The following BBS7 variants were observed in gnomAD, a reference collection of about 807,000 sequenced individuals.
BBS7 encodes the protein Bardet-Biedl syndrome 7.
BBS7 carries 50 observed loss-of-function variants against 90.3 expected under a neutral mutation model. The observed-to-expected ratio is 0.55, with a 90% confidence interval of 0.44 to 0.70. The LOEUF is 0.70. Ranked by LOEUF, BBS7 falls within the 30% of genes least tolerant of loss-of-function variation. The pLI is 0.00. For synonymous variants in BBS7, 235 were observed against 287.4 expected (o/e 0.82, Z 1.85); for missense variants, 729 against 838.9 (o/e 0.87, Z 1.62).
At chr4:121,844,776 G>C (rs1167519403) in intron 11 of BBS7, among the ~76,000 whole-genome samples, 1 of 151,916 alleles carries the variant, frequency 6.6e-6, no homozygotes, top group Non-Finnish European at 1.5e-5. Flanking sequence ...TACTTTGCCT[G>C]TTGACCTACC....
chr4:121,826,132 T>C, intron 18 of BBS7, 139 bp from the exon 19 acceptor site: 1 of 724,140 alleles, frequency 1.4e-6, no homozygotes, highest in Non-Finnish European at 2.2e-6. Flanking sequence ...CTAAAAGCCA[T>C]GTTTTTAAAA....
chr4:121,829,712 A>G (rs972676370), intron 15 of BBS7, among the ~76,000 whole-genome samples: 2 of 152,202 alleles, frequency 1.3e-5, no homozygotes, highest in East Asian at 3.8e-4. Flanking sequence ...CTTAACAATG[A>G]TACTCAATCC....
At chr4:121,832,999 A>C (rs543224966) in intron 15 of BBS7, among the ~76,000 whole-genome samples, 1 of 152,160 alleles carries the variant, frequency 6.6e-6, no homozygotes, top group South Asian at 2.1e-4. Flanking sequence ...TTATTTTCTC[A>C]CTAGTTATTG....
chr4:121,835,430 T>C (rs1725405228), intron 13 of BBS7, 147 bp from the exon 14 acceptor site: 4 of 897,278 alleles, frequency 4.5e-6, no homozygotes, highest in Admixed American at 2.2e-5. Flanking sequence ...GTCCAGCTTC[T>C]TTCTCCTGTC....
intron 5 of BBS7, among the ~76,000 whole-genome samples, chr4:121,856,722 A>G (rs1256861569): frequency 6.6e-6 from 1 of 152,102 alleles, no homozygotes; most frequent in African/African-American, 2.4e-5. Context: ...AAAAAAAAGA[A>G]AACACAATTT....
At chr4:121,869,450 T>G (rs1184801191) in intron 1 of BBS7, among the ~76,000 whole-genome samples, 1 of 152,222 alleles carries the variant, frequency 6.6e-6, no homozygotes, top group Non-Finnish European at 1.5e-5. Flanking sequence ...TATAATATTG[T>G]CTACTTTGCA....
In BBS7 at chr4:121,854,799, A is replaced by C. The variant is rs780552411; in HGVS notation, c.623T>G (p.Leu208Trp). The C allele has an allele frequency of 1.2e-6, 2 of 1,612,284 alleles. No individual in the cohort carries two copies. The highest frequency in any genetic ancestry group is 1.7e-5 in the Admixed American group (1 of 60,012). ...AAGTTTTCCGTCTGATGTCCCAAAC[A>C]AAAGGTCTTCTCCAGAGTCACCTAC... Reference protein sequence around the residue: ...GNGGDSGEDLLFGTSDGKLAL... With the variant: ...GNGGDSGEDLWFGTSDGKLAL... Residue 208 changes from leucine to tryptophan, a missense_variant, in exon 7 of 19, where the codon TTG (leucine) becomes TGG (tryptophan). By Grantham distance (61) the Leu-to-Trp change is moderately conservative (BLOSUM62 -2). Coordinates refer to ENST00000264499, the MANE Select transcript of BBS7 (RefSeq NM_176824.3).
At chr4:121,826,022 C>A in intron 18 of BBS7, 29 bp from the exon 19 acceptor site, 2 of 1,546,716 alleles carry the variant, frequency 1.3e-6, no homozygotes, top group South Asian at 2.2e-5. Flanking sequence ...AATTTCCTGT[C>A]AGTGATTAGT....
intron 3 of BBS7, among the ~76,000 whole-genome samples, chr4:121,862,145 T>C (rs1014321263): frequency 6.6e-6 from 1 of 152,200 alleles, no homozygotes; most frequent in African/African-American, 2.4e-5. Context: ...ACTTCAATCA[T>C]CTTTTAAAAC....
rs753180304 is a variant in BBS7, at chr4:121,859,034, T to C, written c.486A>G (p.Thr162=). 7 of 1,613,896 alleles carry C rather than the reference T, an allele frequency of 4.3e-6. No homozygotes were observed. In the South Asian group the frequency reaches 7.7e-5, roughly 18 times the overall value. Residue 162 remains threonine, a synonymous_variant, in exon 5 of 19, where the codon ACA becomes ACG. Coordinates refer to ENST00000264499, the MANE Select transcript of BBS7 (RefSeq NM_176824.3). ...CTCTGTCCTGGCAGGCCAATACAGG[T>C]GTGATACGAGATAATCTTTCCACTG... ...CLPVERLSRI[T]PVLACQDRVL...
chr4:121,864,464 T>C (rs1727153634), intron 2 of BBS7, among the ~76,000 whole-genome samples: 1 of 152,204 alleles, frequency 6.6e-6, no homozygotes, highest in South Asian at 2.1e-4. Context: ...AAGTATAACA[T>C]AATGACACTA....
intron 15 of BBS7, among the ~76,000 whole-genome samples, chr4:121,831,954 G>A (rs1002226171): frequency 1.3e-5 from 2 of 151,458 alleles, no homozygotes; most frequent in African/African-American, 2.4e-5. Context: ...GGCAGAGGCA[G>A]AGAAAGAATA....
intron 15 of BBS7, among the ~76,000 whole-genome samples, chr4:121,832,009 A>ACAC (rs1725207388): frequency 1.2e-4 from 17 of 142,872 alleles, no homozygotes; most frequent in African/African-American, 3.5e-4. Context: ...AAAAAACAAA[A>ACAC]ACACACACAC....
At chr4:121,840,145 T>C (rs1725662905) in intron 12 of BBS7, among the ~76,000 whole-genome samples, 1 of 152,174 alleles carries the variant, frequency 6.6e-6, no homozygotes, top group Non-Finnish European at 1.5e-5. Context: ...GGGAGATAAT[T>C]GAATCATGGG....
chr4:121,825,811 T>C lies in BBS7; in HGVS notation c.*49A>G. 1 of 1,586,496 alleles carries C rather than the reference T, an allele frequency of 6.3e-7. No homozygotes were observed. The highest frequency in any genetic ancestry group is 8.6e-7 in the Non-Finnish European group (1 of 1,160,138). ...GTTAACTTCTAATTCTCTTTTAACA[T>C]TTTTCATTTAAACAGACCACTTCTT... On this transcript the variant is annotated 3_prime_UTR_variant, in exon 19 of 19. Coordinates refer to ENST00000264499, the MANE Select transcript of BBS7 (RefSeq NM_176824.3).
chr4:121,845,733 T>C, intron 10 of BBS7, 37 bp from the exon 11 acceptor site: 1 of 1,559,046 alleles, frequency 6.4e-7, no homozygotes, highest in Non-Finnish European at 8.8e-7. Context: ...CAAATATAAG[T>C]ATAAACATTT....
intron 12 of BBS7, among the ~76,000 whole-genome samples, chr4:121,841,261 A>C (rs1725724844): frequency 6.6e-6 from 1 of 152,124 alleles, no homozygotes; most frequent in Non-Finnish European, 1.5e-5. Flanking sequence ...GAAGAGCATG[A>C]AAAAATGACT....
At chr4:121,849,120 T>C (rs1726171892) in intron 8 of BBS7, among the ~76,000 whole-genome samples, 192 bp from the exon 9 acceptor site, 1 of 152,238 alleles carries the variant, frequency 6.6e-6, no homozygotes, top group Non-Finnish European at 1.5e-5. Flanking sequence ...TTTTTAAATT[T>C]GGGAAAGAAG....
intron 8 of BBS7, among the ~76,000 whole-genome samples, chr4:121,850,550 C>T (rs1382007704): frequency 6.6e-6 from 1 of 152,176 alleles, no homozygotes; most frequent in African/African-American, 2.4e-5. Flanking sequence ...ATATTACAAT[C>T]TGGTATACAT....
Sources: allele counts gnomAD v4.1 joint callset (sites outside exome capture counted in the v4.1 genomes callset), GRCh38; gene constraint gnomAD v4.1.1; transcripts MANE v1.5; gene names NCBI Gene and HGNC (gene_info 2026-07-23, HGNC 2026-07-21).